Variants in SLC60A2 observed in about 807,000 individuals in gnomAD.
SLC60A2 encodes the protein major facilitator superfamily domain containing 4B.
At chr6:111,274,864 A>T in the SLC60A2 span, among the ~76,000 whole-genome samples, 2 of 152,070 alleles carry the variant, frequency 1.3e-5, no homozygotes, top group Admixed American at 1.3e-4. Flanking sequence ...GTTATTTTTT[A>T]AAATTATTTC....
the SLC60A2 span, among the ~76,000 whole-genome samples, chr6:111,264,963 C>T: frequency 1.3e-4 from 19 of 151,480 alleles, no homozygotes; most frequent in South Asian, 8.4e-4. Context: ...CATGGTGGCG[C>T]GTGCCTGTAA....
At chr6:111,277,625 T>C in the SLC60A2 span, among the ~76,000 whole-genome samples, 4 of 152,342 alleles carry the variant, frequency 2.6e-5, no homozygotes, top group East Asian at 5.8e-4. Context: ...CATGACAAAA[T>C]TTCTATCAGC....
the SLC60A2 span, chr6:111,268,466 A>ATTT: frequency 6.6e-6 from 1 of 152,240 alleles, no homozygotes; most frequent in African/African-American, 2.4e-5. Flanking sequence ...AATTCATTCA[A>ATTT]TTATGATAGT....
the SLC60A2 span, chr6:111,269,158 G>A: frequency 6.6e-6 from 1 of 152,054 alleles, no homozygotes; most frequent in African/African-American, 2.4e-5. Context: ...GATGGCGGTG[G>A]AGAAGTTAAT....
the SLC60A2 span, chr6:111,265,508 T>A: frequency 2.7e-6 from 1 of 368,494 alleles, no homozygotes; most frequent in Non-Finnish European, 3.8e-6. Context: ...TACTATCTGA[T>A]GATAAAATTT....
chr6:111,259,640 G>T, the SLC60A2 span: 1 of 1,535,274 alleles, frequency 6.5e-7, no homozygotes. Flanking sequence ...AGCCGGAGGT[G>T]GTGGTGGTCT....
chr6:111,265,409 C>T, the SLC60A2 span: 17 of 984,858 alleles, frequency 1.7e-5, no homozygotes, highest in East Asian at 6.8e-4. Context: ...GGTTCCTGGA[C>T]GTGTGTTTTG....
the SLC60A2 span, chr6:111,259,613 G>C: frequency 9.7e-5 from 141 of 1,448,408 alleles, no homozygotes; most frequent in Non-Finnish European, 1.3e-4. Context: ...CGGAGGCCCC[G>C]GCGGAGAATG....
chr6:111,269,792 G>C, the SLC60A2 span: 2 of 152,126 alleles, frequency 1.3e-5, no homozygotes, highest in African/African-American at 2.4e-5. Context: ...AGATCATAGG[G>C]CATTGTTAAA....
At chr6:111,266,782 T>G in the SLC60A2 span, 4 of 1,613,966 alleles carry the variant, frequency 2.5e-6, no homozygotes, top group African/African-American at 5.3e-5. Flanking sequence ...CTATATAAAT[T>G]AGCCACTTCA....
the SLC60A2 span, among the ~76,000 whole-genome samples, chr6:111,275,703 C>T: frequency 5.3e-5 from 8 of 152,104 alleles, no homozygotes; most frequent in East Asian, 1.9e-4. Context: ...CCACTGTGCC[C>T]GGTCAGCTCA....
the SLC60A2 span, among the ~76,000 whole-genome samples, chr6:111,276,357 T>C: frequency 6.6e-6 from 1 of 152,260 alleles, no homozygotes; most frequent in East Asian, 1.9e-4. Flanking sequence ...TTTTTTGTCT[T>C]AGATTTTTTT....
the SLC60A2 span, among the ~76,000 whole-genome samples, chr6:111,275,113 CTCATT>C: frequency 6.5e-3 from 962 of 148,552 alleles, 9 homozygotes; most frequent in African/African-American, 0.023. Flanking sequence ...GAGACAGGGT[CTCATT>C]TCGTTGCCCA....
the SLC60A2 span, among the ~76,000 whole-genome samples, chr6:111,261,415 G>A: frequency 6.6e-6 from 1 of 152,066 alleles, no homozygotes; most frequent in Non-Finnish European, 1.5e-5. Context: ...AGCCTCCCTA[G>A]TAACTGGGAC....
At chr6:111,260,775 CTT>C in the SLC60A2 span, among the ~76,000 whole-genome samples, 1 of 152,156 alleles carries the variant, frequency 6.6e-6, no homozygotes, top group South Asian at 2.1e-4. Context: ...TCACTTCAGA[CTT>C]TTGGTGAGTC....
At chr6:111,263,905 T>C in the SLC60A2 span, 3 of 1,610,986 alleles carry the variant, frequency 1.9e-6, no homozygotes, top group South Asian at 2.2e-5. Context: ...CTCACTGTCA[T>C]GATGTCTATC....
the SLC60A2 span, chr6:111,263,842 C>G: frequency 6.3e-7 from 1 of 1,592,654 alleles, no homozygotes; most frequent in Non-Finnish European, 8.6e-7. Flanking sequence ...ATCTCAATGT[C>G]GGCTACCACC....
chr6:111,265,188 A>G, the SLC60A2 span: 10 of 727,284 alleles, frequency 1.4e-5, no homozygotes, highest in African/African-American at 1.9e-4. Flanking sequence ...CTGTTGAGGA[A>G]ATATTTTATT....
chr6:111,273,383 G>T, the SLC60A2 span, among the ~76,000 whole-genome samples: 2 of 151,962 alleles, frequency 1.3e-5, no homozygotes, highest in Non-Finnish European at 2.9e-5. Flanking sequence ...GGCCTCAGGC[G>T]ATCCTCCCGT....
Sources: gnomAD v4.1 joint callset for allele counts (sites outside exome capture counted in the v4.1 genomes callset) on GRCh38, gnomAD v4.1.1 for gene constraint, MANE v1.5 for transcripts, NCBI Gene and HGNC (gene_info 2026-07-23, HGNC 2026-07-21) for gene names.